The following LRBA variants were observed in gnomAD, a reference collection of about 807,000 sequenced individuals.
LRBA encodes LPS responsive beige-like anchor protein.
In LRBA, 176 loss-of-function variants were observed where a neutral mutation model predicts 330.0. The ratio of observed to expected loss-of-function variants is 0.53; its 90% CI spans 0.47 to 0.60. The LOEUF (loss-of-function observed/expected upper bound fraction) is 0.60. LRBA is among the 20% of genes least tolerant of loss of function. The pLI, the probability that LRBA is intolerant of heterozygous loss-of-function variation, is 0.00. For missense variants in LRBA, 3,259 were observed against 3,444.8 expected (o/e 0.95, Z 1.35); for synonymous variants, 1,230 against 1,193.0 (o/e 1.03, Z -0.64).
At chr4:150,721,819 G>C (rs1208916152) in intron 36 of LRBA, among the ~76,000 whole-genome samples, 1 of 152,080 alleles carries the variant, frequency 6.6e-6, no homozygotes, top group East Asian at 1.9e-4. Context: ...GTTTCATCTT[G>C]TTGGCCAGGC....
chr4:150,872,276 G>C (rs1753528377), intron 18 of LRBA, among the ~76,000 whole-genome samples: 1 of 152,114 alleles, frequency 6.6e-6, no homozygotes, highest in Non-Finnish European at 1.5e-5. Context: ...AATAAGCGTG[G>C]AAGTTTCAGT....
At chr4:150,933,601 C>T (rs1316376227) in intron 2 of LRBA, among the ~76,000 whole-genome samples, 1 of 151,978 alleles carries the variant, frequency 6.6e-6, no homozygotes, top group Non-Finnish European at 1.5e-5. Flanking sequence ...TCGATTGTCT[C>T]TGGAAAAGAT....
At chr4:150,465,437 T>C (rs1195288123) in intron 44 of LRBA, among the ~76,000 whole-genome samples, 1 of 152,108 alleles carries the variant, frequency 6.6e-6, no homozygotes, top group Non-Finnish European at 1.5e-5. Flanking sequence ...ACTACCATAC[T>C]GTTTGACATA....
chr4:150,660,794 T>A (rs1234363961), intron 37 of LRBA, among the ~76,000 whole-genome samples: 1 of 122,492 alleles, frequency 8.2e-6, no homozygotes, highest in East Asian at 2.4e-4. Flanking sequence ...CTCTGAAACA[T>A]GTGCTGTGTC....
At chr4:150,791,254 A>G (rs552485642) in intron 34 of LRBA, among the ~76,000 whole-genome samples, 1 of 152,272 alleles carries the variant, frequency 6.6e-6, no homozygotes, top group East Asian at 1.9e-4. Context: ...TGGGCAGAAC[A>G]CCTACTATTA....
intron 42 of LRBA, among the ~76,000 whole-genome samples, chr4:150,483,405 T>C (rs1757515689): frequency 6.6e-6 from 1 of 152,018 alleles, no homozygotes. Flanking sequence ...ATTAAGTCTT[T>C]TGTTTTTTTT....
intron 2 of LRBA, among the ~76,000 whole-genome samples, chr4:150,992,188 C>A (rs2952817): frequency 1.2e-3 from 182 of 151,886 alleles, no homozygotes; most frequent in African/African-American, 4.1e-3. Flanking sequence ...CAGTAGCGTG[C>A]GCCTGTAGGC....
intron 22 of LRBA, among the ~76,000 whole-genome samples, chr4:150,866,365 A>G (rs1752689072): frequency 6.6e-6 from 1 of 152,230 alleles, no homozygotes; most frequent in Non-Finnish European, 1.5e-5. Context: ...TAGCTAGCAA[A>G]GGATTAAGAA....
At chr4:150,749,657 G>C (rs373335327) in intron 35 of LRBA, among the ~76,000 whole-genome samples, 3 of 152,120 alleles carry the variant, frequency 2.0e-5, no homozygotes, top group African/African-American at 7.2e-5. Flanking sequence ...AGCTACTCAG[G>C]AGGCTGAGGT....
In LRBA at chr4:150,590,795, C is replaced by G. The variant is rs1445855876; in HGVS notation, c.6111G>C (p.Gln2037His). The stretch of plus-strand genomic sequence containing the variant: ...CCAGGAGGATCTCGTTTTCTGAGTT[C>G]TGATTTCCTAAAGCCTGACTCCTGA... Reference protein sequence around the residue: ...QSIRSQALGNQNSENEILLEG... With the variant: ...QSIRSQALGNHNSENEILLEG... Residue 2037 changes from glutamine to histidine, a missense_variant, in exon 39 of 57, where the codon CAG becomes CAC. By Grantham distance (24) the Gln-to-His change is conservative (BLOSUM62 0). Coordinates refer to ENST00000651943, the MANE Select transcript of LRBA (RefSeq NM_001364905.1). 6.2e-7 allele frequency: 1 copy of G among 1,613,544 alleles called. No individual in the cohort carries two copies. The highest frequency in any genetic ancestry group is 1.1e-5 in the South Asian group (1 of 91,066).
rs1008896939 is a variant in LRBA, at chr4:150,962,296, T to C, written c.217-33231A>G. Among the ~76,000 whole-genome samples the C allele has an allele frequency of 2.5e-4, 37 of 148,808 alleles. 6 individuals carry two copies. The highest frequency in any genetic ancestry group is 9.1e-4 in the African/African-American group (35 of 38,384). The stretch of plus-strand genomic sequence containing the variant: ...ACTTTGGGAGGCTGAGATAGGAGGA[T>C]TGCTTCAGTCCAGGTGTGCAAAACT... On this transcript the variant is annotated intron_variant, in intron 2 of 56. Transcript: ENST00000651943.
At chr4:150,636,909 A>T in intron 37 of LRBA, among the ~76,000 whole-genome samples, 1 of 152,114 alleles carries the variant, frequency 6.6e-6, no homozygotes. Context: ...CTGCCTCCCA[A>T]AATGCTGGGA....
chr4:150,931,369 T>C (rs1416193118), intron 2 of LRBA, among the ~76,000 whole-genome samples: 1 of 151,182 alleles, frequency 6.6e-6, no homozygotes. Context: ...GTGGTGGTTA[T>C]TGTTATTATA....
chr4:150,510,836 T>A (rs1403896302), intron 40 of LRBA, among the ~76,000 whole-genome samples: 3 of 151,966 alleles, frequency 2.0e-5, no homozygotes, highest in African/African-American at 7.2e-5. Flanking sequence ...ATTCTTTTAT[T>A]TTTTATTATT....
chr4:150,561,353 T>C (rs1217133382), intron 40 of LRBA, among the ~76,000 whole-genome samples: 1 of 152,164 alleles, frequency 6.6e-6, no homozygotes, highest in Non-Finnish European at 1.5e-5. Flanking sequence ...CCACATTCTA[T>C]TCCCTGGAAT....
chr4:150,963,397 G>C (rs748143434), intron 2 of LRBA, among the ~76,000 whole-genome samples: 1 of 149,586 alleles, frequency 6.7e-6, no homozygotes, highest in Non-Finnish European at 1.5e-5. Flanking sequence ...CTGTTGGCCG[G>C]GCTGGTCTCC....
intron 40 of LRBA, chr4:150,579,238 C>CA (rs1561379291): frequency 2.2e-6 from 1 of 456,632 alleles, no homozygotes; most frequent in Admixed American, 2.3e-5. Flanking sequence ...GCAGAGGTGA[C>CA]AGGGGCTCTT....
At chr4:150,683,428 T>C (rs939141471) in intron 37 of LRBA, 123 bp downstream of exon 37, 1 of 770,610 alleles carries the variant, frequency 1.3e-6, no homozygotes. Flanking sequence ...TTCATAGAGA[T>C]GATGAAAGAC....
intron 2 of LRBA, among the ~76,000 whole-genome samples, chr4:150,979,692 AAAT>A (rs573326766): frequency 2.6e-5 from 4 of 152,226 alleles, no homozygotes; most frequent in Non-Finnish European, 5.9e-5. Flanking sequence ...CACCAGTTTA[AAAT>A]AATAAGTTAT....
Sources: allele counts gnomAD v4.1 joint callset (sites outside exome capture counted in the v4.1 genomes callset), GRCh38; gene constraint gnomAD v4.1.1; transcripts MANE v1.5; gene names NCBI Gene and HGNC (gene_info 2026-07-23, HGNC 2026-07-21).